The following CSMD2 variants were observed in gnomAD, a reference collection of about 807,000 sequenced individuals.
CSMD2 encodes CUB and Sushi multiple domains 2.
In CSMD2, 130 loss-of-function variants were observed where a neutral mutation model predicts 398.5. That is an observed-to-expected ratio of 0.33 (90% CI 0.28 to 0.38). CSMD2 has a LOEUF of 0.38. Ranked by LOEUF, CSMD2 falls within the 10% of genes least tolerant of loss-of-function variation. CSMD2 has a pLI of 1.00. For synonymous variants in CSMD2, 1,828 were observed against 1,908.5 expected, an observed-to-expected ratio of 0.96 and a Z score of 1.10; for missense variants, 3,829 against 4,764.9, an observed-to-expected ratio of 0.80 and a Z score of 5.78.
At position 33,787,810 on chromosome 1, in the gene CSMD2, C is replaced by T. The variant is rs145141567; in HGVS notation, c.1663+790G>A. ...CAGAAGGGTGATGTTGAGGGTATCT[C>T]CTGGGCCCCAGGGTTTGCAGTTCCC... On this transcript the variant is annotated intron_variant, in intron 12 of 70. Coordinates refer to ENST00000373381, the MANE Select transcript of CSMD2 (RefSeq NM_001281956.2). Among the ~76,000 whole-genome samples, 766 of 152,168 alleles carry T rather than the reference C, an allele frequency of 5.0e-3. 5 individuals carry two copies. Among genetic ancestry groups the T allele is most frequent in the African/African-American group, 0.017 (718 of 41,500 alleles).
At chr1:33,676,295 A>T (rs1644708766) in intron 25 of CSMD2, among the ~76,000 whole-genome samples, 1 of 152,208 alleles carries the variant, frequency 6.6e-6, no homozygotes, top group African/African-American at 2.4e-5. Context: ...AAAAATCACA[A>T]GCATTCCTAT....
intron 5 of CSMD2, among the ~76,000 whole-genome samples, chr1:33,917,774 A>C (rs1420524440): frequency 6.6e-6 from 1 of 152,186 alleles, no homozygotes; most frequent in African/African-American, 2.4e-5. Flanking sequence ...ATTTTGAATC[A>C]TTTTACTAGA....
intron 3 of CSMD2, among the ~76,000 whole-genome samples, chr1:33,944,872 C>T (rs115619389): frequency 0.012 from 1,840 of 152,166 alleles, 38 homozygotes; most frequent in African/African-American, 0.041. Context: ...CTTGATCTCC[C>T]AGGATTCAAG....
intron 1 of CSMD2, among the ~76,000 whole-genome samples, chr1:34,154,998 T>TA (rs749153084): frequency 1.1e-4 from 16 of 152,314 alleles, no homozygotes; most frequent in Non-Finnish European, 2.2e-4. Flanking sequence ...AGCGCTGGGA[T>TA]TACAGGCGTG....
chr1:33,813,645 C>A (rs1482095898), intron 9 of CSMD2, among the ~76,000 whole-genome samples: 2 of 152,076 alleles, frequency 1.3e-5, no homozygotes, highest in Non-Finnish European at 2.9e-5. Flanking sequence ...TCCCAGGGGA[C>A]CATAGGGAGC....
intron 5 of CSMD2, among the ~76,000 whole-genome samples, chr1:33,852,547 G>A (rs1638788205): frequency 6.6e-6 from 1 of 152,164 alleles, no homozygotes; most frequent in Admixed American, 6.5e-5. Context: ...AAATATCACT[G>A]ATCCTATAAA....
intron 5 of CSMD2, among the ~76,000 whole-genome samples, chr1:33,871,301 G>C (rs768895980): frequency 6.6e-6 from 1 of 152,196 alleles, no homozygotes; most frequent in South Asian, 2.1e-4. Context: ...AAGCTTGTTA[G>C]AGAAATCTTC....
chr1:34,148,648 T>C lies in CSMD2; in HGVS notation c.187+16263A>G, dbSNP rs77709813. Among the ~76,000 whole-genome samples the C allele has an allele frequency of 4.6e-5, 7 of 152,346 alleles. No homozygotes were observed. The East Asian group carries it at 1.4e-3, about 29-fold the overall frequency. Reference sequence around the variant, plus strand: ...AGGACAAAGGGGCAGGAGAGCTGCATGCTCTGAGCCAGGCACTCTGCAAGC... The same window carrying C: ...AGGACAAAGGGGCAGGAGAGCTGCACGCTCTGAGCCAGGCACTCTGCAAGC... On this transcript the variant is annotated intron_variant, in intron 1 of 70. Transcript: ENST00000373381.
At chr1:33,965,193 C>T (rs1003621290) in intron 3 of CSMD2, among the ~76,000 whole-genome samples, 10 of 152,274 alleles carry the variant, frequency 6.6e-5, no homozygotes, top group South Asian at 4.2e-4. Context: ...CTCTTCCCCT[C>T]GACCGTGGAG....
At chr1:33,749,730 T>C (rs1049660022) in intron 13 of CSMD2, among the ~76,000 whole-genome samples, 2 of 152,098 alleles carry the variant, frequency 1.3e-5, no homozygotes, top group African/African-American at 2.4e-5. Flanking sequence ...TATAAAAGAA[T>C]AGTATACATA....
chr1:33,866,379 T>C (rs534227067), intron 5 of CSMD2, among the ~76,000 whole-genome samples: 179 of 152,274 alleles, frequency 1.2e-3, no homozygotes, highest in African/African-American at 4.0e-3. Context: ...ATGCAGAAAG[T>C]AATGGGGGAG....
At chr1:33,532,815 A>T (rs948481518) in intron 64 of CSMD2, among the ~76,000 whole-genome samples, 2 of 152,152 alleles carry the variant, frequency 1.3e-5, no homozygotes, top group Admixed American at 1.3e-4. Context: ...ATGAAATGTG[A>T]TCCTGTGAGT....
Position 33,533,294 on chromosome 1 carries a change from A to G in CSMD2, c.9992-65T>C. 1 of 1,408,494 alleles carries G rather than the reference A, an allele frequency of 7.1e-7. No homozygotes were observed. Among genetic ancestry groups the G allele is most frequent in the South Asian group, 1.2e-5 (1 of 83,292 alleles). 87.2% of individuals were successfully genotyped at this position (1,408,494 alleles called of 1,614,324 possible). On this transcript the variant is annotated intron_variant, in intron 63 of 70. Transcript: ENST00000373381. This position sits in a 1 kb window ranked among gnomAD's most constrained non-coding sequence, Gnocchi z 4.2. Reference sequence around the variant, plus strand: ...AGGGGCTTCAGGGGCCCTTTCGACCATTCCCCTGTTCCTAGATAGAATATC... The same window carrying G: ...AGGGGCTTCAGGGGCCCTTTCGACCGTTCCCCTGTTCCTAGATAGAATATC...
intron 5 of CSMD2, among the ~76,000 whole-genome samples, chr1:33,912,435 C>T (rs1371316612): frequency 6.7e-6 from 1 of 150,056 alleles, no homozygotes; most frequent in Non-Finnish European, 1.5e-5. Context: ...ACTCCTGAGG[C>T]TGGCACTTCC....
chr1:34,059,718 G>GTGAATGAATGAATGAATGAA (rs146583969), intron 2 of CSMD2, among the ~76,000 whole-genome samples: 105 of 151,458 alleles, frequency 6.9e-4, no homozygotes, highest in South Asian at 1.3e-3. Context: ...GAATGAATAC[G>GTGAATGAATGAATGAATGAA]TGAATGAATG....
At chr1:34,068,207 A>C (rs891677090) in intron 2 of CSMD2, among the ~76,000 whole-genome samples, 1 of 152,192 alleles carries the variant, frequency 6.6e-6, no homozygotes, top group African/African-American at 2.4e-5. Context: ...GAACAGCCTG[A>C]AGTCCTCAAG....
At chr1:33,755,846 GC>G (rs199511980) in intron 13 of CSMD2, among the ~76,000 whole-genome samples, 4 of 150,368 alleles carry the variant, frequency 2.7e-5, no homozygotes, top group African/African-American at 1.0e-4. Flanking sequence ...ATGTGTGTGT[GC>G]GGGGGGAGGG....
chr1:33,853,824 A>T (rs1025910398), intron 5 of CSMD2, among the ~76,000 whole-genome samples: 1 of 152,250 alleles, frequency 6.6e-6, no homozygotes, highest in Admixed American at 6.5e-5. Context: ...GAATAAATGA[A>T]CAAACAGCAG....
At chr1:33,675,194 A>C (rs1474108419) in intron 25 of CSMD2, among the ~76,000 whole-genome samples, 1 of 152,184 alleles carries the variant, frequency 6.6e-6, no homozygotes, top group East Asian at 1.9e-4. Flanking sequence ...AAGATCAACA[A>C]AATTGATAGA....
Sources: allele counts gnomAD v4.1 joint callset (sites outside exome capture counted in the v4.1 genomes callset), GRCh38; gene constraint gnomAD v4.1.1; non-coding constraint Gnocchi (gnomAD v3.1); transcripts MANE v1.5; gene names NCBI Gene and HGNC (gene_info 2026-07-23, HGNC 2026-07-21).